FOCAD: variants seen among roughly 807,000 people sequenced by gnomAD.
The protein encoded by FOCAD is focadhesin, also known as KIAA1797.
A neutral mutation model predicts 225.6 loss-of-function variants in FOCAD; 198 were observed. The observed-to-expected ratio is 0.88, with a 90% confidence interval of 0.78 to 0.99. FOCAD has a LOEUF of 0.99. FOCAD is among the 50% of genes least tolerant of loss of function. The pLI, the probability that FOCAD is intolerant of heterozygous loss-of-function variation, is 0.00. For synonymous variants in FOCAD, 897 were observed against 755.0 expected, an observed-to-expected ratio of 1.19 and a Z score of -3.08; for missense variants, 2,713 against 2,123.6, an observed-to-expected ratio of 1.28 and a Z score of -5.46.
At chr9:20,932,130 T>C (rs1319234542) in intron 27 of FOCAD, among the ~76,000 whole-genome samples, 2 of 152,220 alleles carry the variant, frequency 1.3e-5, no homozygotes, top group East Asian at 1.9e-4. Flanking sequence ...GGACAACTTT[T>C]ATAGGATTTA....
At chr9:20,744,534 A>G (rs1156657747) in intron 5 of FOCAD, among the ~76,000 whole-genome samples, 1 of 152,242 alleles carries the variant, frequency 6.6e-6, no homozygotes, top group Non-Finnish European at 1.5e-5. Flanking sequence ...GCTAAGGAGC[A>G]TATGCCAAGT....
At chr9:20,952,514 AG>A (rs1837776369) in intron 34 of FOCAD, 1 of 159,136 alleles carries the variant, frequency 6.3e-6, no homozygotes, top group Non-Finnish European at 1.4e-5. Context: ...TCTCTGCCTT[AG>A]GTAAGGGATT....
intron 1 of FOCAD, among the ~76,000 whole-genome samples, chr9:20,685,392 C>G (rs1365722059): frequency 4.6e-5 from 7 of 152,058 alleles, no homozygotes; most frequent in Non-Finnish European, 1.0e-4. Flanking sequence ...ACTGTGTTAA[C>G]AGGAAGTAAC....
chr9:20,846,752 T>A (rs1827154309), intron 15 of FOCAD, among the ~76,000 whole-genome samples: 1 of 152,124 alleles, frequency 6.6e-6, no homozygotes. Flanking sequence ...GGTGGTCCAA[T>A]GTCCAGTTCA....
intron 11 of FOCAD, among the ~76,000 whole-genome samples, chr9:20,797,659 TTTGCAAAATCA>T (rs1821278408): frequency 6.6e-6 from 1 of 152,132 alleles, no homozygotes; most frequent in Admixed American, 6.5e-5. Context: ...TTGCATTGAT[TTTGCAAAATCA>T]TTGCAAAATC....
At chr9:20,822,650 C>G (rs1464264818) in intron 14 of FOCAD, among the ~76,000 whole-genome samples, 4 of 152,036 alleles carry the variant, frequency 2.6e-5, no homozygotes, top group Admixed American at 2.0e-4. Context: ...ATAGCTCTAT[C>G]TTTACTAATC....
chr9:20,855,882 T>C (rs933897030), intron 15 of FOCAD, among the ~76,000 whole-genome samples: 2 of 151,444 alleles, frequency 1.3e-5, no homozygotes, highest in Non-Finnish European at 3.0e-5. Flanking sequence ...TACCATAATG[T>C]CCTCCAGTTC....
intron 2 of FOCAD, among the ~76,000 whole-genome samples, chr9:20,669,842 G>A (rs973406817): frequency 1.1e-4 from 16 of 152,130 alleles, no homozygotes; most frequent in African/African-American, 3.9e-4. Flanking sequence ...TGTCAAGAAA[G>A]CAACAGCAGA....
intron 15 of FOCAD, among the ~76,000 whole-genome samples, chr9:20,832,162 G>A (rs192262262): frequency 1.3e-5 from 2 of 152,130 alleles, no homozygotes; most frequent in African/African-American, 2.4e-5. Flanking sequence ...AAGCTTTCAT[G>A]TCAACGTATG....
At chr9:20,866,825 G>A in intron 17 of FOCAD, 104 bp from the exon 18 acceptor site, 1 of 662,800 alleles carries the variant, frequency 1.5e-6, no homozygotes, top group East Asian at 2.9e-5. Context: ...GATTGGTGAG[G>A]GAAGGTTTCT....
intron 5 of FOCAD, among the ~76,000 whole-genome samples, chr9:20,755,810 T>G (rs923590906): frequency 1.2e-4 from 19 of 152,114 alleles, no homozygotes; most frequent in African/African-American, 4.1e-4. Flanking sequence ...GTGAGTGTTT[T>G]TTTGTTTGTT....
intron 19 of FOCAD, among the ~76,000 whole-genome samples, chr9:20,878,646 AAGAC>A (rs1322888947): frequency 1.3e-5 from 2 of 152,204 alleles, no homozygotes; most frequent in African/African-American, 4.8e-5. Context: ...TTTCTTCTGA[AAGAC>A]AGAATCAATA....
chr9:20,918,592 C>G (rs561854799), intron 24 of FOCAD, among the ~76,000 whole-genome samples: 1 of 151,832 alleles, frequency 6.6e-6, no homozygotes, highest in Non-Finnish European at 1.5e-5. Flanking sequence ...GGCGTAATGG[C>G]GGGCGCCTGT....
chr9:20,679,014 G>A (rs1249141734), intron 2 of FOCAD, among the ~76,000 whole-genome samples: 1 of 152,122 alleles, frequency 6.6e-6, no homozygotes, highest in Non-Finnish European at 1.5e-5. Context: ...GAGTCACAAA[G>A]ATATCTGGGG....
At chr9:20,932,910 G>T in intron 27 of FOCAD, 104 bp from the exon 28 acceptor site, 1 of 782,418 alleles carries the variant, frequency 1.3e-6, no homozygotes, top group African/African-American at 1.8e-5. Context: ...TAAGAGAAAT[G>T]CTGGTATTTC....
chr9:20,896,772 T>C (rs1462977880), intron 21 of FOCAD, among the ~76,000 whole-genome samples: 1 of 151,898 alleles, frequency 6.6e-6, no homozygotes, highest in Non-Finnish European at 1.5e-5. Context: ...GTCTGTGTTA[T>C]GGTTCTTTTA....
In FOCAD at chr9:20,944,754, C is replaced by A; in HGVS notation, c.3535C>A (p.Gln1179Lys). The A allele has an allele frequency of 6.2e-7, 1 of 1,612,980 alleles. No individual in the cohort carries two copies. ...TGCGCACGTAGATGACAGCGGGAGC[C>A]AGAGCAGAACGTTTCAGGAGGTAAG... The part of the protein sequence containing the change: ...LSAHVDDSGS[Q>K]SRTFQEVLAY... Residue 1179 changes from glutamine (Q) to lysine (K), a missense_variant, in exon 29 of 44, where the codon CAG (glutamine) becomes AAG (lysine). Transcript: ENST00000338382.
At chr9:20,697,230 G>T (rs1048594168) in intron 1 of FOCAD, among the ~76,000 whole-genome samples, 3 of 152,096 alleles carry the variant, frequency 2.0e-5, no homozygotes, top group Non-Finnish European at 1.5e-5. Flanking sequence ...TTATCTCCTG[G>T]ATTATTGATG....
chr9:20,934,363 C>T (rs1835758246), intron 28 of FOCAD, among the ~76,000 whole-genome samples: 1 of 152,192 alleles, frequency 6.6e-6, no homozygotes, highest in African/African-American at 2.4e-5. Context: ...GTCCTTGAGC[C>T]ATCTTGAGTT....
Sources: allele counts gnomAD v4.1 joint callset (sites outside exome capture counted in the v4.1 genomes callset), GRCh38; gene constraint gnomAD v4.1.1; transcripts MANE v1.5; gene names NCBI Gene and HGNC (gene_info 2026-07-23, HGNC 2026-07-21).